Variants in CTBS observed in about 807,000 individuals in gnomAD.
CTBS encodes the protein chitobiase.
CTBS carries 35 observed loss-of-function variants against 44.3 expected under a neutral mutation model. The observed-to-expected ratio is 0.79, with a 90% confidence interval of 0.60 to 1.05. The LOEUF is 1.05. Among genes scored for constraint, CTBS ranks in the 50% least tolerant of loss-of-function variants. The pLI is 0.00. For synonymous variants in CTBS, 143 were observed against 168.0 expected (o/e 0.85, Z 1.15); for missense variants, 458 against 475.3 (o/e 0.96, Z 0.34).
intron 6 of CTBS, among the ~76,000 whole-genome samples, chr1:84,561,061 T>A (rs1321235309): frequency 6.6e-6 from 1 of 152,240 alleles, no homozygotes; most frequent in African/African-American, 2.4e-5. Flanking sequence ...GAAATAGATT[T>A]TGTAAGGCTG....
intron 4 of CTBS, among the ~76,000 whole-genome samples, chr1:84,564,555 TTA>T (rs1265465869): frequency 6.6e-6 from 1 of 152,188 alleles, no homozygotes; most frequent in African/African-American, 2.4e-5. Flanking sequence ...GTTGATTTAT[TTA>T]TGATACAAAG....
At chr1:84,571,100 C>G (rs1289347857) in intron 1 of CTBS, among the ~76,000 whole-genome samples, 1 of 152,106 alleles carries the variant, frequency 6.6e-6, no homozygotes, top group Non-Finnish European at 1.5e-5. Flanking sequence ...GTTAGTACTA[C>G]CTTGTTTATC....
At chr1:84,566,294 G>C (rs1413075700) in intron 3 of CTBS, 1 of 168,524 alleles carries the variant, frequency 5.9e-6, no homozygotes, top group Non-Finnish European at 1.3e-5. Context: ...CAAACGCTAG[G>C]CTGGTACCTC....
Position 84,553,242 on chromosome 1 carries a change from C to A in CTBS, c.*1757G>T. On this transcript the variant is annotated 3_prime_UTR_variant, in exon 7 of 7. Transcript: ENST00000370630. ...AAAAAGCACAAGGTTTCTCTTTCTC[C>A]ACTTTCCATGTGGGTATTACAAAAT... is the stretch of plus-strand genomic sequence containing the variant. 1.7e-6 allele frequency: 1 copy of A among 595,160 alleles called. No individual in the cohort carries two copies. The highest frequency in any genetic ancestry group is 2.8e-6 in the Non-Finnish European group (1 of 351,080). The allele number at this position is 595,160 out of a possible 1,614,324, so 36.9% of individuals were successfully genotyped here. A position where few individuals can be genotyped will look rare whatever the true frequency, so the allele number is the denominator to read the frequency against.
rs1465444176 is a variant in CTBS, at chr1:84,554,987, GA to G, written c.*11del. ...TCATCTTTCTAACTCTTAATGGTTT[GA>G]CAAAAGATGTTCATCTCTGTAACAG... is the stretch of plus-strand genomic sequence containing the variant. On this transcript the variant is annotated 3_prime_UTR_variant, in exon 7 of 7. Coordinates refer to ENST00000370630, the MANE Select transcript of CTBS (RefSeq NM_004388.3). The G allele has an allele frequency of 1.2e-6, 2 of 1,608,330 alleles. No individual in the cohort carries two copies. The highest frequency in any genetic ancestry group is 1.7e-6 in the Non-Finnish European group (2 of 1,175,784).
intron 5 of CTBS, 44 bp downstream of exon 5, chr1:84,563,691 A>G (rs748043829): frequency 8.3e-7 from 1 of 1,200,156 alleles, no homozygotes; most frequent in Non-Finnish European, 1.2e-6. Context: ...ACTCTAAAAA[A>G]TATAATAGAT....
rs1405257474 is a variant in CTBS at position 84,552,254 on chromosome 1, G to A, written c.*2745C>T. ...TTCAAGATAGTATAGCATAAGTAGTGCTTCTCAAAGTTTAATATATCATCT... is the reference window on the plus strand; with the variant it reads ...TTCAAGATAGTATAGCATAAGTAGTACTTCTCAAAGTTTAATATATCATCT... On this transcript the variant is annotated 3_prime_UTR_variant, in exon 7 of 7. Coordinates refer to ENST00000370630, the MANE Select transcript of CTBS (RefSeq NM_004388.3). 3 of 152,116 alleles carry A rather than the reference G, an allele frequency of 2.0e-5. No homozygotes were observed. The highest frequency in any genetic ancestry group is 4.4e-5 in the Non-Finnish European group (3 of 68,004). The allele number at this position is 152,116 out of a possible 1,614,324, so 9.4% of individuals were successfully genotyped here.
chr1:84,561,183 T>C (rs932392260), intron 6 of CTBS, among the ~76,000 whole-genome samples: 1 of 152,142 alleles, frequency 6.6e-6, no homozygotes, highest in East Asian at 1.9e-4. Context: ...GATTCATGCA[T>C]GGGAGGAGGT....
intron 1 of CTBS, among the ~76,000 whole-genome samples, chr1:84,571,757 G>A (rs1402669497): frequency 2.0e-5 from 3 of 152,156 alleles, no homozygotes; most frequent in African/African-American, 7.2e-5. Flanking sequence ...AGGGGGCCAC[G>A]CCAGCATATA....
intron 3 of CTBS, among the ~76,000 whole-genome samples, chr1:84,568,384 T>G (rs748614734): frequency 6.6e-6 from 1 of 152,204 alleles, no homozygotes; most frequent in Non-Finnish European, 1.5e-5. Context: ...TTGCTGTTCT[T>G]AATCTACATT....
intron 3 of CTBS, among the ~76,000 whole-genome samples, chr1:84,567,691 A>G (rs1248455770): frequency 6.6e-6 from 1 of 152,074 alleles, no homozygotes; most frequent in Non-Finnish European, 1.5e-5. Flanking sequence ...TTATCTAGTC[A>G]TTTTTTGTTG....
At chr1:84,569,499 C>T (rs534546168) in intron 3 of CTBS, among the ~76,000 whole-genome samples, 1 of 152,288 alleles carries the variant, frequency 6.6e-6, no homozygotes, top group East Asian at 1.9e-4. Flanking sequence ...ATAGCTGTCA[C>T]AGTTCTGTGT....
At position 84,552,980 on chromosome 1, in the gene CTBS, G is replaced by A; in HGVS notation, c.*2019C>T. The A allele has an allele frequency of 8.7e-7, 1 of 1,149,468 alleles. No homozygotes were observed. The highest frequency in any genetic ancestry group is 1.2e-6 in the Non-Finnish European group (1 of 812,534). The allele number at this position is 1,149,468 out of a possible 1,614,324, so 71.2% of individuals were successfully genotyped here. On this transcript the variant is annotated 3_prime_UTR_variant, in exon 7 of 7. Coordinates refer to ENST00000370630, the MANE Select transcript of CTBS (RefSeq NM_004388.3). ...ACCCTGTTTACATGACAACTATGAT[G>A]TACTTTTAGAAGGGTATGATGAAGT...
chr1:84,563,593 C>T, intron 5 of CTBS, 142 bp downstream of exon 5: 1 of 646,016 alleles, frequency 1.5e-6, no homozygotes, highest in Non-Finnish European at 2.4e-6. Context: ...TAATCATAAG[C>T]TTTCATAGAA....
Position 84,563,296 on chromosome 1 carries a change from T to C in CTBS, c.918A>G (p.Leu306=), listed in dbSNP as rs1288877467. Residue 306 remains leucine (L), a synonymous_variant, in exon 6 of 7, where the codon CTA becomes CTG. Transcript: ENST00000370630. Reference sequence around the variant, plus strand: ...AAGGAGCCCGCTGATCTTTATCCCATAGGTTTCCAGAAATAGAACTATTTA... The same window carrying C: ...AAGGAGCCCGCTGATCTTTATCCCACAGGTTTCCAGAAATAGAACTATTTA... ...KQINSSISGN[L]WDKDQRAPYY... 3 of 1,585,192 alleles carry C rather than the reference T, an allele frequency of 1.9e-6. No homozygotes were observed. The highest frequency in any genetic ancestry group is 4.7e-5 in the East Asian group (2 of 42,632).
In CTBS at chr1:84,568,749, G is replaced by A. The variant is rs1314240778; in HGVS notation, c.525+1182C>T. The stretch of plus-strand genomic sequence containing the variant: ...TTTCCCCCTCCAGTGCTGTTCTCGT[G>A]ATAGAGTTCTCACAAGATCTGATTG... On this transcript the variant is annotated intron_variant, in intron 3 of 6. Transcript: ENST00000370630. Among the ~76,000 whole-genome samples, 3 of 152,140 alleles carry A rather than the reference G, an allele frequency of 2.0e-5. No individual in the cohort carries two copies. The East Asian group carries it at 5.8e-4, about 29-fold the overall frequency.
intron 6 of CTBS, among the ~76,000 whole-genome samples, chr1:84,558,778 A>G (rs900674125): frequency 6.6e-6 from 1 of 151,926 alleles, no homozygotes; most frequent in African/African-American, 2.4e-5. Context: ...GCACACGCCT[A>G]TGGTCCTAGC....
rs766742824 is a variant in CTBS, at chr1:84,563,249, A to C, written c.957+8T>G. 2 of 1,453,362 alleles carry C rather than the reference A, an allele frequency of 1.4e-6. No individual in the cohort carries two copies. Among genetic ancestry groups the C allele is most frequent in the South Asian group, 1.5e-5 (1 of 67,800 alleles). The allele number at this position is 1,453,362 out of a possible 1,614,324, so 90.0% of individuals were successfully genotyped here. A position where few individuals can be genotyped will look rare whatever the true frequency, so the allele number is the denominator to read the frequency against. On this transcript the variant is annotated splice_region_variant and intron_variant, in intron 6 of 6. Coordinates refer to ENST00000370630, the MANE Select transcript of CTBS (RefSeq NM_004388.3). ...GAATAAATGCTCATAACTTACGAAA[A>C]GTCTTACTTTATAGTTATAATAAGG...
At chr1:84,556,536 C>T (rs1684435028) in intron 6 of CTBS, among the ~76,000 whole-genome samples, 1 of 126,590 alleles carries the variant, frequency 7.9e-6, no homozygotes, top group African/African-American at 4.0e-5. Flanking sequence ...CATGGTGAAA[C>T]CCCATCTTTA....
Sources: gnomAD v4.1 joint callset for allele counts (sites outside exome capture counted in the v4.1 genomes callset) on GRCh38, gnomAD v4.1.1 for gene constraint, MANE v1.5 for transcripts, NCBI Gene and HGNC (gene_info 2026-07-23, HGNC 2026-07-21) for gene names.